SLC35F3: variants seen among roughly 807,000 people sequenced by gnomAD.
SLC35F3 encodes the protein putative thiamine transporter SLC35F3.
Under a neutral mutation model 49.9 loss-of-function variants are expected in SLC35F3, and 25 were observed. The observed-to-expected ratio is 0.50, with a 90% CI of 0.37 to 0.70. The LOEUF is 0.70. Ranked by LOEUF, SLC35F3 falls within the 30% of genes least tolerant of loss-of-function variation. The pLI, the probability that SLC35F3 is intolerant of heterozygous loss-of-function variation, is 0.00. For synonymous variants in SLC35F3, 275 were observed against 265.4 expected, an observed-to-expected ratio of 1.04 and a Z score of -0.35; for missense variants, 525 against 639.8, an observed-to-expected ratio of 0.82 and a Z score of 1.94.
intron 2 of SLC35F3, among the ~76,000 whole-genome samples, chr1:234,142,144 A>G (rs563923210): frequency 6.6e-6 from 1 of 152,348 alleles, no homozygotes; most frequent in East Asian, 1.9e-4. Flanking sequence ...AACCTAGGAC[A>G]TGGTTCTGAG....
intron 2 of SLC35F3, among the ~76,000 whole-genome samples, chr1:233,996,721 G>A (rs764486430): frequency 2.0e-5 from 3 of 152,168 alleles, no homozygotes; most frequent in Non-Finnish European, 4.4e-5. Flanking sequence ...ATCATTGGGG[G>A]TTGGGAGGGA....
intron 2 of SLC35F3, among the ~76,000 whole-genome samples, chr1:234,061,513 AT>A (rs34827073): frequency 0.66 from 98,473 of 150,262 alleles, 32,644 homozygotes; most frequent in African/African-American, 0.73. Flanking sequence ...AATTTGGAAA[AT>A]TTTTAAGCCA....
At position 233,934,641 on chromosome 1, in the gene SLC35F3, A is replaced by C. The variant is rs144188748; in HGVS notation, c.283+28883A>C. On this transcript the variant is annotated intron_variant, in intron 2 of 7. Transcript: ENST00000366618. ...AGTGTACAGCTTGATGAATTATTACAAAATGAATATACCTTTCTTTACTGC... is the reference window on the plus strand; with the variant it reads ...AGTGTACAGCTTGATGAATTATTACCAAATGAATATACCTTTCTTTACTGC... Among the ~76,000 whole-genome samples the C allele has an allele frequency of 7.3e-3, 1,106 of 152,286 alleles. 14 individuals carry two copies. Among genetic ancestry groups the C allele is most frequent in the African/African-American group, 0.025 (1,034 of 41,550 alleles).
At chr1:234,292,337 G>A (rs1242794713) in intron 3 of SLC35F3, among the ~76,000 whole-genome samples, 1 of 152,212 alleles carries the variant, frequency 6.6e-6, no homozygotes, top group African/African-American at 2.4e-5. Flanking sequence ...CATGGTCAGG[G>A]AAGATTTTGA....
intron 2 of SLC35F3, among the ~76,000 whole-genome samples, chr1:233,933,616 C>T (rs1400134971): frequency 6.6e-5 from 10 of 152,024 alleles, no homozygotes; most frequent in African/African-American, 2.2e-4. Context: ...TTGGGGAGGC[C>T]GAGGCGGGCA....
intron 2 of SLC35F3, among the ~76,000 whole-genome samples, chr1:233,963,502 C>T (rs1662841255): frequency 6.6e-6 from 1 of 152,048 alleles, no homozygotes; most frequent in South Asian, 2.1e-4. Context: ...GGGGTTTCAC[C>T]ATGTTAGCCA....
intron 2 of SLC35F3, among the ~76,000 whole-genome samples, chr1:233,998,441 A>C (rs12061283): frequency 0.12 from 18,246 of 151,762 alleles, 1,721 homozygotes; most frequent in East Asian, 0.41. Context: ...GTATTATACC[A>C]GATACAGAAT....
intron 2 of SLC35F3, among the ~76,000 whole-genome samples, chr1:234,212,006 AAGTTTC>A (rs1444264964): frequency 6.6e-5 from 10 of 152,128 alleles, no homozygotes; most frequent in African/African-American, 2.4e-4. Context: ...GATAGTGAAT[AAGTTTC>A]ATGAGATCTG....
At chr1:234,151,357 T>C (rs893773136) in intron 2 of SLC35F3, among the ~76,000 whole-genome samples, 2 of 149,422 alleles carry the variant, frequency 1.3e-5, no homozygotes, top group Non-Finnish European at 3.0e-5. Context: ...CACAGGAAAA[T>C]GAGCATGAGA....
chr1:234,242,184 A>G (rs916877128), intron 3 of SLC35F3, among the ~76,000 whole-genome samples: 1 of 152,232 alleles, frequency 6.6e-6, no homozygotes, highest in Non-Finnish European at 1.5e-5. Flanking sequence ...TAAGTGCTCC[A>G]TAAGTCAGCC....
At chr1:233,918,800 CTCTCTCTCTCTCTCTCTA>C (rs1662013245) in intron 2 of SLC35F3, among the ~76,000 whole-genome samples, 1 of 33,496 alleles carries the variant, frequency 3.0e-5, no homozygotes, top group African/African-American at 4.5e-5. Context: ...CTCTCTCTTT[CTCTCTCTCTCTCTCTCTA>C]TATATATATA....
Position 234,323,317 on chromosome 1 carries a change from G to A in SLC35F3, c.*74G>A. ...CCGGGAGGAACCTCAGTTGGGTAAG[G>A]TGTACATACCTGTACAGTTTTGGTC... On this transcript the variant is annotated 3_prime_UTR_variant, in exon 8 of 8. Coordinates refer to ENST00000366618, the MANE Select transcript of SLC35F3 (RefSeq NM_173508.4). This position sits in a 1 kb window ranked among gnomAD's most constrained non-coding sequence, Gnocchi z 4.5. 1.5e-6 allele frequency: 2 copies of A among 1,328,990 alleles called. No homozygotes were observed. Among genetic ancestry groups the A allele is most frequent in the Non-Finnish European group, 2.1e-6 (2 of 947,710 alleles). The allele number at this position is 1,328,990 out of a possible 1,614,324, so 82.3% of individuals were successfully genotyped here.
Position 234,100,828 on chromosome 1 carries a change from T to A in SLC35F3, c.284-130589T>A, listed in dbSNP as rs554145123. 8.5e-5 allele frequency among the ~76,000 whole-genome samples: 13 copies of A among 152,324 alleles called. No individual in the cohort carries two copies. The South Asian group carries it at 2.5e-3, about 29-fold the overall frequency. ...TTTTGCTTCCACAGAGCATATTACT[T>A]CTGCCAGAAAGTGCGATGCCAGGAT... is the stretch of plus-strand genomic sequence containing the variant. On this transcript the variant is annotated intron_variant, in intron 2 of 7. Coordinates refer to ENST00000366618, the MANE Select transcript of SLC35F3 (RefSeq NM_173508.4).
At chr1:234,209,581 G>C (rs549592980) in intron 2 of SLC35F3, among the ~76,000 whole-genome samples, 1 of 152,258 alleles carries the variant, frequency 6.6e-6, no homozygotes, top group African/African-American at 2.4e-5. Flanking sequence ...ATTTGAAAAG[G>C]AGTATGGGAA....
chr1:233,979,139 T>C (rs1430364162), intron 2 of SLC35F3, among the ~76,000 whole-genome samples: 2 of 151,940 alleles, frequency 1.3e-5, no homozygotes, highest in African/African-American at 4.8e-5. Context: ...GCCAGGCCAG[T>C]CCACAGAACG....
intron 2 of SLC35F3, among the ~76,000 whole-genome samples, chr1:233,915,879 T>A (rs1265212508): frequency 2.6e-5 from 4 of 152,204 alleles, no homozygotes; most frequent in African/African-American, 9.6e-5. Flanking sequence ...CCTGCCTCCA[T>A]GATTCAATTA....
chr1:234,183,237 C>T (rs1465323055), intron 2 of SLC35F3, among the ~76,000 whole-genome samples: 2 of 142,756 alleles, frequency 1.4e-5, no homozygotes, highest in East Asian at 9.3e-4. Flanking sequence ...AGGCTGGTCT[C>T]GAACTCTTGA....
intron 2 of SLC35F3, among the ~76,000 whole-genome samples, chr1:233,948,523 G>A (rs1362105370): frequency 1.3e-5 from 2 of 151,890 alleles, no homozygotes; most frequent in Non-Finnish European, 2.9e-5. Flanking sequence ...CTGGAAACTG[G>A]TGGAAAGTTA....
At chr1:233,968,705 G>C (rs138165156) in intron 2 of SLC35F3, among the ~76,000 whole-genome samples, 1 of 152,130 alleles carries the variant, frequency 6.6e-6, no homozygotes, top group African/African-American at 2.4e-5. Flanking sequence ...GGCTGGTCTT[G>C]AACTCCTTAC....
Sources: allele counts gnomAD v4.1 joint callset (sites outside exome capture counted in the v4.1 genomes callset), GRCh38; gene constraint gnomAD v4.1.1; non-coding constraint Gnocchi (gnomAD v3.1); transcripts MANE v1.5; gene names NCBI Gene and HGNC (gene_info 2026-07-23, HGNC 2026-07-21).